LY6K: variants seen among roughly 807,000 people sequenced by gnomAD.
LY6K encodes lymphocyte antigen 6 family member K.
Under a neutral mutation model 10.4 loss-of-function variants are expected in LY6K, and 9 were observed. The observed-to-expected ratio is 0.87, with a 90% confidence interval of 0.52 to 1.52. The LOEUF is 1.52. Ranked by LOEUF, LY6K falls within the 40% of genes most tolerant of loss-of-function variation. The probability of loss-of-function intolerance (pLI) is 0.00; values close to 1 mark genes in which losing one functional copy is unlikely to be tolerated. For missense variants in LY6K, 217 were observed against 211.7 expected, an observed-to-expected ratio of 1.02 and a Z score of -0.15; for synonymous variants, 98 against 83.7, an observed-to-expected ratio of 1.17 and a Z score of -0.94.
chr8:142,700,722 C>A (rs1456897073), intron 1 of LY6K, 92 bp downstream of exon 1: 47 of 1,273,484 alleles, frequency 3.7e-5, no homozygotes, highest in Admixed American at 8.2e-5. Context: ...CCCGACCAGG[C>A]CGTGAGAACG....
chr8:142,703,211 T>C lies in LY6K; in HGVS notation c.338T>C (p.Leu113Pro). 3 of 1,614,188 alleles carry C rather than the reference T, an allele frequency of 1.9e-6. No individual in the cohort carries two copies. Among genetic ancestry groups the C allele is most frequent in the South Asian group, 1.1e-5 (1 of 91,078 alleles). ...GAAGAGCCCATGCCCTTCTTTTACC[T>C]CAAGTGTTGTAAAATTCGCTACTGC... ...LLEEPMPFFY[L>P]KCCKIRYCNL... Residue 113 changes from leucine (L) to proline (P), a missense_variant, in exon 3 of 3, where the codon CTC becomes CCC. Leu to Pro is a moderately conservative substitution (Grantham distance 98). Transcript: ENST00000292430.
At position 142,703,600 on chromosome 8, in the gene LY6K, T is replaced by G. The variant is rs1370235885; in HGVS notation, c.*229T>G. The G allele has an allele frequency of 1.8e-6, 1 of 551,706 alleles. No homozygotes were observed. The highest frequency in any genetic ancestry group is 3.2e-6 in the Non-Finnish European group (1 of 315,958). The allele number at this position is 551,706 out of a possible 1,614,324, so 34.2% of individuals were successfully genotyped here. On this transcript the variant is annotated 3_prime_UTR_variant, in exon 3 of 3. Transcript: ENST00000292430. Reference sequence around the variant, plus strand: ...CTGAGTAGTGATTTTGGTGACAAGTTTTTCTCTTTGAAATCAAACCTTGTA... The same window carrying G: ...CTGAGTAGTGATTTTGGTGACAAGTGTTTCTCTTTGAAATCAAACCTTGTA...
At position 142,703,257 on chromosome 8, in the gene LY6K, C is replaced by T. The variant is rs782667211; in HGVS notation, c.384C>T (p.Ile128=). The change falls in exon 3 of 3, where the codon ATC becomes ATT. Residue 128 remains isoleucine, a synonymous_variant. Coordinates refer to ENST00000292430, the MANE Select transcript of LY6K (RefSeq NM_017527.4). ...ACTGCAATTTAGAGGGGCCACCTAT[C>T]AACTCATCAGTGTTCAAAGAATATG... ...IRYCNLEGPP[I]NSSVFKEYAG... 1 of 1,614,186 alleles carries T rather than the reference C, an allele frequency of 6.2e-7. No homozygotes were observed. Among genetic ancestry groups the T allele is most frequent in the South Asian group, 1.1e-5 (1 of 91,088 alleles).
intron 1 of LY6K, 134 bp downstream of exon 1, chr8:142,700,764 C>T (rs1814980799): frequency 1.0e-5 from 10 of 965,406 alleles, no homozygotes; most frequent in East Asian, 3.4e-5. Flanking sequence ...CGCCTGGAAG[C>T]CTCTGGGGAG....
intron 1 of LY6K, 93 bp from the exon 2 acceptor site, chr8:142,701,507 C>T (rs1587560700): frequency 3.7e-6 from 3 of 805,924 alleles, no homozygotes; most frequent in Middle Eastern, 2.3e-4. Flanking sequence ...GATGGGGACC[C>T]GCCGAGTTTG....
chr8:142,700,942 G>C (rs1554640029), intron 1 of LY6K, among the ~76,000 whole-genome samples: 2 of 152,054 alleles, frequency 1.3e-5, no homozygotes, highest in African/African-American at 4.8e-5. Flanking sequence ...AGCTGCGGGA[G>C]GAGGGCCGGC....
rs1195996057 is a variant in LY6K, at chr8:142,704,694, T to C, written c.*1323T>C. The C allele has an allele frequency of 2.0e-5, 3 of 152,248 alleles. No homozygotes were observed. Among genetic ancestry groups the C allele is most frequent in the Non-Finnish European group, 4.4e-5 (3 of 68,056 alleles). The allele number at this position is 152,248 out of a possible 1,614,324, so 9.4% of individuals were successfully genotyped here. Reference sequence around the variant, plus strand: ...TTGCCCTTGACATGTCTGCTTTTACTCTGATGGGACCACGCCCACCTCTAG... The same window carrying C: ...TTGCCCTTGACATGTCTGCTTTTACCCTGATGGGACCACGCCCACCTCTAG... On this transcript the variant is annotated 3_prime_UTR_variant, in exon 3 of 3. Transcript: ENST00000292430.
chr8:142,701,366 A>AG (rs1456981777), intron 1 of LY6K, among the ~76,000 whole-genome samples: 1 of 152,194 alleles, frequency 6.6e-6, no homozygotes, highest in African/African-American at 2.4e-5. Context: ...GGGAGGCCTC[A>AG]GGGCACTTAC....
rs1554640572 is a variant in LY6K, at chr8:142,703,732, G to A, written c.*361G>A. Reference sequence around the variant, plus strand: ...TAAGTACCACTCATGGAGAGTATGTGCTGAGATGCTTCCGACCTTTCAGGT... The same window carrying A: ...TAAGTACCACTCATGGAGAGTATGTACTGAGATGCTTCCGACCTTTCAGGT... On this transcript the variant is annotated 3_prime_UTR_variant, in exon 3 of 3. Transcript: ENST00000292430. 2 of 237,618 alleles carry A rather than the reference G, an allele frequency of 8.4e-6. No individual in the cohort carries two copies. Among genetic ancestry groups the A allele is most frequent in the African/African-American group, 4.5e-5 (2 of 44,536 alleles). The allele number at this position is 237,618 out of a possible 1,614,324, so 14.7% of individuals were successfully genotyped here. A position where few individuals can be genotyped will look rare whatever the true frequency, so the allele number is the denominator to read the frequency against.
chr8:142,701,390 G>A (rs1383633356), intron 1 of LY6K, among the ~76,000 whole-genome samples: 1 of 152,206 alleles, frequency 6.6e-6, no homozygotes, highest in Non-Finnish European at 1.5e-5. Flanking sequence ...CATGGGGGAA[G>A]GCGAAGGGGA....
In LY6K at chr8:142,700,218, A is replaced by AG; in HGVS notation, c.-306dup. The AG allele has an allele frequency of 1.4e-6, 1 of 728,110 alleles. No individual in the cohort carries two copies. Among genetic ancestry groups the AG allele is most frequent in the Non-Finnish European group, 1.8e-6 (1 of 552,878 alleles). The allele number at this position is 728,110 out of a possible 1,614,324, so 45.1% of individuals were successfully genotyped here. A position where few individuals can be genotyped will look rare whatever the true frequency, so the allele number is the denominator to read the frequency against. On this transcript the variant is annotated 5_prime_UTR_variant, in exon 1 of 3. Coordinates refer to ENST00000292430, the MANE Select transcript of LY6K (RefSeq NM_017527.4). ...CCTCAAGGAGACGGCCCTTGGGCTC[A>AG]GGGGCTGCGTTTCCACACGCGCCTT...
At chr8:142,702,509 C>G in intron 2 of LY6K, 1 of 1,535,720 alleles carries the variant, frequency 6.5e-7, no homozygotes, top group Non-Finnish European at 8.7e-7. Context: ...GGGAGATCTT[C>G]AGGGCTCGTG....
In LY6K at chr8:142,700,227, G is replaced by A. The variant is rs1259567394; in HGVS notation, c.-301G>A. 2 of 838,706 alleles carry A rather than the reference G, an allele frequency of 2.4e-6. No homozygotes were observed. Among genetic ancestry groups the A allele is most frequent in the Non-Finnish European group, 3.1e-6 (2 of 649,766 alleles). 52.0% of individuals were successfully genotyped at this position (838,706 alleles called of 1,614,324 possible). A position where few individuals can be genotyped will look rare whatever the true frequency, so the allele number is the denominator to read the frequency against. ...GACGGCCCTTGGGCTCAGGGGCTGC[G>A]TTTCCACACGCGCCTTTCCCAGGGC... On this transcript the variant is annotated 5_prime_UTR_variant, in exon 1 of 3. Transcript: ENST00000292430.
chr8:142,700,257 G>C lies in LY6K; in HGVS notation c.-271G>C. The C allele has an allele frequency of 9.2e-7, 1 of 1,089,346 alleles. No individual in the cohort carries two copies. The highest frequency in any genetic ancestry group is 1.2e-6 in the Non-Finnish European group (1 of 868,750). 67.5% of individuals were successfully genotyped at this position (1,089,346 alleles called of 1,614,324 possible). ...CACACGCGCCTTTCCCAGGGCTCCC[G>C]CGCCCGTTCCTGCCTGGCCGCCGGC... On this transcript the variant is annotated 5_prime_UTR_variant, in exon 1 of 3. Coordinates refer to ENST00000292430, the MANE Select transcript of LY6K (RefSeq NM_017527.4).
rs927610912 is a variant in LY6K at position 142,701,139 on chromosome 8, G to A, written c.104-461G>A. Among the ~76,000 whole-genome samples the A allele has an allele frequency of 2.0e-5, 3 of 152,016 alleles. No homozygotes were observed. In the South Asian group the frequency reaches 6.2e-4, roughly 31 times the overall value. The stretch of plus-strand genomic sequence containing the variant: ...GGAGATGCCAGGGCCCGTGGGTGCC[G>A]CGTGGCCGACCTGGGGTCAGGGTGC... On this transcript the variant is annotated intron_variant, in intron 1 of 2. Transcript: ENST00000292430.
chr8:142,701,551 G>A, intron 1 of LY6K, 49 bp from the exon 2 acceptor site: 2 of 1,249,802 alleles, frequency 1.6e-6, no homozygotes, highest in East Asian at 2.4e-5. Flanking sequence ...TCATCAGATA[G>A]GCACGGAGAA....
chr8:142,700,509 C>A lies in LY6K; in HGVS notation c.-19C>A. 6.4e-7 allele frequency: 1 copy of A among 1,565,614 alleles called. No individual in the cohort carries two copies. The highest frequency in any genetic ancestry group is 8.6e-7 in the Non-Finnish European group (1 of 1,158,628). ...AGGGGGCGCCGCGCGCTGACCCTCC[C>A]TGGGCACCGCTGGGGACGATGGCGC... On this transcript the variant is annotated 5_prime_UTR_variant, in exon 1 of 3. It adds an upstream start codon to the 5' untranslated region. Transcript: ENST00000292430.
intron 2 of LY6K, chr8:142,702,168 A>G (rs1554640280): frequency 5.3e-6 from 2 of 379,594 alleles, no homozygotes; most frequent in African/African-American, 2.0e-5. Context: ...AGGTGTAGGA[A>G]CTGTGCTAGT....
At chr8:142,703,017 C>A in intron 2 of LY6K, 74 bp from the exon 3 acceptor site, 2 of 1,591,844 alleles carry the variant, frequency 1.3e-6, no homozygotes, top group Non-Finnish European at 1.7e-6. Flanking sequence ...GAGGCTTTGA[C>A]CCAGACAGAA....
Sources: allele counts gnomAD v4.1 joint callset (sites outside exome capture counted in the v4.1 genomes callset), GRCh38; gene constraint gnomAD v4.1.1; transcripts MANE v1.5; gene names NCBI Gene and HGNC (gene_info 2026-07-23, HGNC 2026-07-21).